The following KSR1 variants were observed in gnomAD, a reference collection of about 807,000 sequenced individuals.
KSR1 encodes kinase suppressor of ras 1.
KSR1 carries 35 observed loss-of-function variants against 92.9 expected under a neutral mutation model. The ratio of observed to expected loss-of-function variants is 0.38; its 90% CI spans 0.29 to 0.50. KSR1 has a LOEUF of 0.50. Among genes scored for constraint, KSR1 ranks in the 20% least tolerant of loss-of-function variants. The pLI is 0.94. For synonymous variants in KSR1, 467 were observed against 472.6 expected, an observed-to-expected ratio of 0.99 and a Z score of 0.15; for missense variants, 972 against 1,158.5, an observed-to-expected ratio of 0.84 and a Z score of 2.34.
chr17:27,554,633 G>T (rs928015481), intron 2 of KSR1, among the ~76,000 whole-genome samples: 1 of 152,142 alleles, frequency 6.6e-6, no homozygotes. Context: ...CAAGCTCAGG[G>T]CTCTCACTGA....
chr17:27,541,218 A>G (rs1422105377), intron 1 of KSR1, among the ~76,000 whole-genome samples: 6 of 152,216 alleles, frequency 3.9e-5, no homozygotes, highest in Non-Finnish European at 8.8e-5. Flanking sequence ...GGTGAGCTGG[A>G]AGCTGGTCCA....
In KSR1 at chr17:27,577,361, T is replaced by C; in HGVS notation, c.373-131T>C. The stretch of plus-strand genomic sequence containing the variant: ...TCTGCTTGTGTCCCCAAGCACGTGG[T>C]GGCTCTGGTCAGAGGCCGGCCCAGC... On this transcript the variant is annotated intron_variant, in intron 2 of 20. Transcript: ENST00000644974. The surrounding 1 kb of genome is among the most constrained non-coding windows in gnomAD (Gnocchi z 4.5). The C allele has an allele frequency of 1.6e-6, 1 of 606,410 alleles. No individual in the cohort carries two copies. The highest frequency in any genetic ancestry group is 2.9e-6 in the Non-Finnish European group (1 of 345,798). 37.6% of individuals were successfully genotyped at this position (606,410 alleles called of 1,614,324 possible). A position where few individuals can be genotyped will look rare whatever the true frequency, so the allele number is the denominator to read the frequency against.
At chr17:27,520,627 A>G (rs1180106895) in intron 1 of KSR1, among the ~76,000 whole-genome samples, 1 of 152,250 alleles carries the variant, frequency 6.6e-6, no homozygotes, top group Non-Finnish European at 1.5e-5. Flanking sequence ...GAACGGGCAC[A>G]GTGGAGCTTT....
At chr17:27,555,606 T>A (rs1314212965) in intron 2 of KSR1, among the ~76,000 whole-genome samples, 3 of 152,222 alleles carry the variant, frequency 2.0e-5, no homozygotes, top group Non-Finnish European at 2.9e-5. Flanking sequence ...CTCTGTTTTT[T>A]ACTAACCCCA....
At chr17:27,582,029 A>G (rs953121441) in intron 3 of KSR1, among the ~76,000 whole-genome samples, 1 of 152,094 alleles carries the variant, frequency 6.6e-6, no homozygotes, top group African/African-American at 2.4e-5. Flanking sequence ...CTTCCTTCAC[A>G]CACCCAGCTT....
intron 1 of KSR1, among the ~76,000 whole-genome samples, chr17:27,545,224 G>A (rs943794150): frequency 3.9e-5 from 6 of 152,134 alleles, no homozygotes; most frequent in Non-Finnish European, 5.9e-5. Context: ...AAAAGAAACC[G>A]CTTGCTCCTC....
At chr17:27,609,422 C>A in intron 16 of KSR1, 93 bp downstream of exon 16, 3 of 1,512,886 alleles carry the variant, frequency 2.0e-6, no homozygotes, top group Non-Finnish European at 2.7e-6. Context: ...TGTTGCTGAG[C>A]TGCAGCCCTC....
chr17:27,564,527 G>A (rs144057394), intron 2 of KSR1, among the ~76,000 whole-genome samples: 54 of 152,356 alleles, frequency 3.5e-4, no homozygotes, highest in Non-Finnish European at 5.6e-4. Context: ...CCATTAGGAT[G>A]TGCCTGTGGG....
At chr17:27,542,684 G>C (rs575102995) in intron 1 of KSR1, among the ~76,000 whole-genome samples, 19 of 152,318 alleles carry the variant, frequency 1.2e-4, no homozygotes, top group African/African-American at 4.6e-4. Context: ...CCTGCCAAAA[G>C]TCTTCATGCT....
chr17:27,482,046 T>C (rs1198618819), intron 1 of KSR1, among the ~76,000 whole-genome samples: 1 of 152,170 alleles, frequency 6.6e-6, no homozygotes, highest in Non-Finnish European at 1.5e-5. Context: ...GGGTTAAATG[T>C]TATAGCGCAT....
At chr17:27,463,191 A>G (rs765624634) in intron 1 of KSR1, among the ~76,000 whole-genome samples, 3 of 152,164 alleles carry the variant, frequency 2.0e-5, no homozygotes, top group Non-Finnish European at 4.4e-5. Flanking sequence ...CTGCATCTGT[A>G]ATCACACTGA....
At chr17:27,618,692 C>T (rs1489178996) in intron 19 of KSR1, among the ~76,000 whole-genome samples, 1 of 152,226 alleles carries the variant, frequency 6.6e-6, no homozygotes, top group Non-Finnish European at 1.5e-5. Flanking sequence ...TGGGATTTCA[C>T]ATGTCATGAA....
At chr17:27,613,646 G>A (rs886181168) in intron 18 of KSR1, among the ~76,000 whole-genome samples, 5 of 152,188 alleles carry the variant, frequency 3.3e-5, no homozygotes, top group African/African-American at 1.2e-4. Flanking sequence ...AAACACTTGT[G>A]GGGCAGGATG....
chr17:27,607,825 G>T, intron 14 of KSR1, 89 bp from the exon 15 acceptor site: 1 of 926,586 alleles, frequency 1.1e-6, no homozygotes, highest in South Asian at 1.5e-5. Flanking sequence ...GCAGGCAGAC[G>T]GGCACAGTTC....
intron 1 of KSR1, among the ~76,000 whole-genome samples, chr17:27,503,076 T>TA (rs2150984858): frequency 6.6e-6 from 1 of 152,338 alleles, no homozygotes; most frequent in South Asian, 2.1e-4. Context: ...AGCATTCTTA[T>TA]ATTGCAGATG....
intron 15 of KSR1, 71 bp downstream of exon 15, chr17:27,608,081 C>T: frequency 9.3e-7 from 1 of 1,077,546 alleles, no homozygotes; most frequent in Non-Finnish European, 1.4e-6. Context: ...TCCTCTCGCC[C>T]TGTTACTCCC....
chr17:27,581,505 T>C (rs776073936), intron 3 of KSR1, among the ~76,000 whole-genome samples: 7 of 151,960 alleles, frequency 4.6e-5, no homozygotes, highest in African/African-American at 7.3e-5. Flanking sequence ...ACCTTCCCAT[T>C]ATGCTGTTCC....
In KSR1 at chr17:27,617,295, G is replaced by A; in HGVS notation, c.2494G>A (p.Glu832Lys). The A allele has an allele frequency of 6.2e-7, 1 of 1,604,798 alleles. No homozygotes were observed. The highest frequency in any genetic ancestry group is 8.5e-7 in the Non-Finnish European group (1 of 1,173,648). The change falls in exon 19 of 21, where the codon GAG (glutamate) becomes AAG (lysine). Residue 832 changes from glutamate (E) to lysine (K), a missense_variant and splice_region_variant. By Grantham distance (56) the Glu-to-Lys change is moderately conservative (BLOSUM62 1). Transcript: ENST00000644974. ...TSVSLGKEVS[E>K]ILSACWAFDL... ...CCACTAATGGCAGCTCCATTTGCAGGAGATCCTGTCGGCCTGCTGGGCTTT... is the reference window on the plus strand; with the variant it reads ...CCACTAATGGCAGCTCCATTTGCAGAAGATCCTGTCGGCCTGCTGGGCTTT...
In KSR1 at chr17:27,459,928, G is replaced by A. The variant is rs2019350419; in HGVS notation, c.231+3054G>A. On this transcript the variant is annotated intron_variant, in intron 1 of 20. Transcript: ENST00000644974. This position sits in a 1 kb window ranked among gnomAD's most constrained non-coding sequence, Gnocchi z 4.6. ...AGCTGAGACTTAACGTTTGCTGCCT[G>A]TGTGCCTAGCAGCGTGCCTGACTCT... 6.6e-6 allele frequency among the ~76,000 whole-genome samples: 1 copy of A among 152,216 alleles called. No individual in the cohort carries two copies. Among genetic ancestry groups the A allele is most frequent in the Non-Finnish European group, 1.5e-5 (1 of 68,034 alleles).
Sources: gnomAD v4.1 joint callset for allele counts (sites outside exome capture counted in the v4.1 genomes callset) on GRCh38, gnomAD v4.1.1 for gene constraint, Gnocchi (gnomAD v3.1) non-coding constraint, MANE v1.5 for transcripts, NCBI Gene and HGNC (gene_info 2026-07-23, HGNC 2026-07-21) for gene names.